KHDRBS2: variants seen among roughly 807,000 people sequenced by gnomAD.
KHDRBS2 encodes KH RNA binding domain containing, signal transduction associated 2, also known as KH domain-containing, RNA-binding, signal transduction-associated protein 2.
In KHDRBS2, 26 loss-of-function variants were observed where a neutral mutation model predicts 44.3. The observed-to-expected ratio is 0.59, with a 90% CI of 0.43 to 0.81. KHDRBS2 has a LOEUF of 0.81. Ranked by LOEUF, KHDRBS2 falls within the 40% of genes least tolerant of loss-of-function variation. The pLI is 0.00. For missense variants in KHDRBS2, 476 were observed against 433.1 expected (o/e 1.10, Z -0.88); for synonymous variants, 194 against 151.1 (o/e 1.28, Z -2.08).
chr6:61,614,939 A>G, the KHDRBS2 span, among the ~76,000 whole-genome samples: 1 of 152,046 alleles, frequency 6.6e-6, no homozygotes, highest in African/African-American at 2.4e-5. Flanking sequence ...TCAAGATTAA[A>G]TGAGTTACTA....
intron 6 of KHDRBS2, among the ~76,000 whole-genome samples, chr6:61,773,356 C>T (rs1353577714): frequency 6.7e-6 from 1 of 149,060 alleles, no homozygotes; most frequent in Non-Finnish European, 1.5e-5. Flanking sequence ...GATGGTATCT[C>T]ATTGTGGTTT....
At chr6:62,100,676 C>A (rs978527137) in intron 2 of KHDRBS2, among the ~76,000 whole-genome samples, 3 of 152,142 alleles carry the variant, frequency 2.0e-5, no homozygotes, top group Non-Finnish European at 4.4e-5. Flanking sequence ...AAATCATTGG[C>A]ATTTTTATCA....
intron 4 of KHDRBS2, among the ~76,000 whole-genome samples, chr6:61,955,722 A>G (rs1165063063): frequency 9.0e-6 from 1 of 111,334 alleles, no homozygotes; most frequent in Non-Finnish European, 1.9e-5. Flanking sequence ...ATGTATGTAT[A>G]CATATATAGA....
chr6:62,133,928 T>C (rs1306389182), intron 2 of KHDRBS2, among the ~76,000 whole-genome samples: 1 of 152,122 alleles, frequency 6.6e-6, no homozygotes, highest in East Asian at 1.9e-4. Flanking sequence ...AAGAGGTGAC[T>C]TGGGCGCTGT....
At chr6:61,619,849 A>G in the KHDRBS2 span, among the ~76,000 whole-genome samples, 1 of 152,164 alleles carries the variant, frequency 6.6e-6, no homozygotes, top group Non-Finnish European at 1.5e-5. Flanking sequence ...GTTCTCACAT[A>G]TTTGCAATTG....
At chr6:62,048,523 C>T (rs1788252679) in intron 2 of KHDRBS2, among the ~76,000 whole-genome samples, 1 of 151,798 alleles carries the variant, frequency 6.6e-6, no homozygotes, top group South Asian at 2.1e-4. Context: ...TTACAACTTT[C>T]ATAATCAGGA....
At chr6:62,080,869 T>C (rs1187851447) in intron 2 of KHDRBS2, among the ~76,000 whole-genome samples, 2 of 152,090 alleles carry the variant, frequency 1.3e-5, no homozygotes, top group African/African-American at 2.4e-5. Context: ...TTTGGCAATA[T>C]TAGGTTCCTC....
the KHDRBS2 span, among the ~76,000 whole-genome samples, chr6:61,562,964 T>C: frequency 8.5e-5 from 13 of 152,272 alleles, no homozygotes; most frequent in South Asian, 2.7e-3. Flanking sequence ...TTTCCTTCTG[T>C]TTTTGCATTT....
At chr6:61,553,623 T>A in the KHDRBS2 span, among the ~76,000 whole-genome samples, 2 of 152,118 alleles carry the variant, frequency 1.3e-5, no homozygotes, top group Non-Finnish European at 2.9e-5. Context: ...TTTTTCCAAC[T>A]TTTTTATGTT....
chr6:62,089,053 T>C (rs1428319140), intron 2 of KHDRBS2, among the ~76,000 whole-genome samples: 3 of 152,014 alleles, frequency 2.0e-5, no homozygotes, highest in African/African-American at 4.8e-5. Flanking sequence ...GCCTCAGTAA[T>C]GGTGGACTCT....
At chr6:62,122,374 G>C (rs565917802) in intron 2 of KHDRBS2, among the ~76,000 whole-genome samples, 1 of 152,152 alleles carries the variant, frequency 6.6e-6, no homozygotes, top group East Asian at 1.9e-4. Context: ...GGGTCATCAA[G>C]TCACCATGTG....
intron 1 of KHDRBS2, among the ~76,000 whole-genome samples, chr6:62,201,704 T>C (rs943652207): frequency 1.3e-5 from 2 of 152,050 alleles, no homozygotes; most frequent in African/African-American, 4.8e-5. Flanking sequence ...TAAAAGACCA[T>C]AAACTATTAT....
the KHDRBS2 span, among the ~76,000 whole-genome samples, chr6:61,548,430 G>C: frequency 1.3e-5 from 2 of 152,098 alleles, no homozygotes; most frequent in Non-Finnish European, 2.9e-5. Context: ...ATTTGATTAA[G>C]TCTAGGATGA....
intron 6 of KHDRBS2, among the ~76,000 whole-genome samples, chr6:61,891,873 T>C (rs1344208628): frequency 2.0e-5 from 3 of 152,090 alleles, no homozygotes; most frequent in Non-Finnish European, 4.4e-5. Context: ...CCACTCCTAT[T>C]CAACATAGTG....
At chr6:62,018,438 C>T (rs1781642175) in intron 3 of KHDRBS2, among the ~76,000 whole-genome samples, 1 of 152,042 alleles carries the variant, frequency 6.6e-6, no homozygotes, top group Admixed American at 6.6e-5. Context: ...AGCTCCGCCT[C>T]CCAGTTTCAC....
At chr6:62,055,280 C>T (rs1790007279) in intron 2 of KHDRBS2, among the ~76,000 whole-genome samples, 2 of 151,920 alleles carry the variant, frequency 1.3e-5, no homozygotes, top group Middle Eastern at 3.4e-3. Flanking sequence ...AGGATAAAGT[C>T]ATAAATGTGT....
intron 7 of KHDRBS2, among the ~76,000 whole-genome samples, chr6:61,715,705 C>T (rs1418708925): frequency 6.6e-6 from 1 of 151,906 alleles, no homozygotes; most frequent in Non-Finnish European, 1.5e-5. Context: ...TTGAGTGTCT[C>T]TCTTCTTCTC....
chr6:61,977,545 T>C (rs1232171964), intron 4 of KHDRBS2, among the ~76,000 whole-genome samples: 2 of 152,276 alleles, frequency 1.3e-5, no homozygotes, highest in South Asian at 4.1e-4. Context: ...CTGGCTTTAC[T>C]AATATTGATG....
At chr6:61,608,985 C>T in the KHDRBS2 span, among the ~76,000 whole-genome samples, 906 of 152,294 alleles carry the variant, frequency 5.9e-3, 5 homozygotes, top group Non-Finnish European at 9.1e-3. Context: ...AATGGTATAT[C>T]TGGTTCTAGA....
Sources: gnomAD v4.1 joint callset for allele counts (sites outside exome capture counted in the v4.1 genomes callset) on GRCh38, gnomAD v4.1.1 for gene constraint, MANE v1.5 for transcripts, NCBI Gene and HGNC (gene_info 2026-07-23, HGNC 2026-07-21) for gene names.